FLAD1: variants seen among roughly 807,000 people sequenced by gnomAD.
The protein encoded by FLAD1 is flavin adenine dinucleotide synthetase 1, also known as bifunctional FAD diphosphatase/FAD synthase.
FLAD1 carries 35 observed loss-of-function variants against 55.0 expected under a neutral mutation model. The ratio of observed to expected loss-of-function variants is 0.64; its 90% CI spans 0.49 to 0.84. The LOEUF is 0.84. Among genes scored for constraint, FLAD1 ranks in the 40% least tolerant of loss-of-function variants. FLAD1 has a pLI of 0.00. For missense variants in FLAD1, 665 were observed against 742.6 expected (o/e 0.90, Z 1.21); for synonymous variants, 267 against 303.0 (o/e 0.88, Z 1.23).
At chr1:154,985,887 G>A (rs1571480427) in intron 1 of FLAD1, among the ~76,000 whole-genome samples, 1 of 150,444 alleles carries the variant, frequency 6.6e-6, no homozygotes, top group African/African-American at 2.5e-5. Context: ...CACCACGCCC[G>A]GTTAATTTTT....
chr1:154,986,083 G>A (rs1340477267), intron 1 of FLAD1, among the ~76,000 whole-genome samples: 2 of 150,682 alleles, frequency 1.3e-5, no homozygotes, highest in African/African-American at 4.9e-5. Context: ...TGCTGCTCAC[G>A]CTGGAGCGCA....
chr1:154,990,253 A>C lies in FLAD1; in HGVS notation c.1360A>C (p.Lys454Gln). Residue 454 changes from lysine (K) to glutamine (Q), a missense_variant, in exon 4 of 7, where the codon AAG becomes CAG. Transcript: ENST00000292180. ...GGAACAGTTTCTACAGGACACTATC[A>C]AGAGGTACTAGGGGCCTGGAGGTTT... Reference protein sequence around the residue: ...ELEQFLQDTIKRYNLQMLEAE... With the variant: ...ELEQFLQDTIQRYNLQMLEAE... 1 of 1,614,014 alleles carries C rather than the reference A, an allele frequency of 6.2e-7. No individual in the cohort carries two copies. Among genetic ancestry groups the C allele is most frequent in the Non-Finnish European group, 8.5e-7 (1 of 1,179,872 alleles).
At chr1:154,989,478 T>A (rs1657768134) in intron 2 of FLAD1, 82 bp from the exon 3 acceptor site, 1 of 1,355,382 alleles carries the variant, frequency 7.4e-7, no homozygotes, top group African/African-American at 1.5e-5. Context: ...ATTGAAGGGT[T>A]TAAGCAAGGG....
At chr1:154,986,704 C>CCCTTT (rs1657626991) in intron 1 of FLAD1, among the ~76,000 whole-genome samples, 10 of 91,722 alleles carry the variant, frequency 1.1e-4, no homozygotes, top group African/African-American at 4.0e-4. Flanking sequence ...GCCCCCCACC[C>CCCTTT]TTTTTTTTTT....
At position 154,992,907 on chromosome 1, in the gene FLAD1, C is replaced by T. The variant is rs1266663947; in HGVS notation, c.1634C>T (p.Thr545Ile). ...PYCILYDRGYTSLGSRENTVR... is the reference protein window; with the variant it reads ...PYCILYDRGYISLGSRENTVR... Reference sequence around the variant, plus strand: ...CTCCACCCTCCCTGCTCCAGATACACATCACTGGGGAGTCGGGAGAATACC... The same window carrying T: ...CTCCACCCTCCCTGCTCCAGATACATATCACTGGGGAGTCGGGAGAATACC... Residue 545 changes from threonine to isoleucine, a missense_variant, in exon 7 of 7, where the codon ACA (threonine) becomes ATA (isoleucine). Physicochemically the swap from Thr to Ile is moderately conservative, Grantham distance 89. Transcript: ENST00000292180. 3 of 1,613,920 alleles carry T rather than the reference C, an allele frequency of 1.9e-6. No individual in the cohort carries two copies. Among genetic ancestry groups the T allele is most frequent in the South Asian group, 2.2e-5 (2 of 91,092 alleles).
rs1358268368 is a variant in FLAD1 at position 154,991,259 on chromosome 1, C to T, written c.1554+731C>T. ...ATATATATGTATATATATATATACA[C>T]ACACACATACACAGGCCGGGCGTAG... On this transcript the variant is annotated intron_variant, in intron 5 of 6. Coordinates refer to ENST00000292180, the MANE Select transcript of FLAD1 (RefSeq NM_025207.5). The T allele has an allele frequency of 5.1e-5, 7 of 137,878 alleles. 1 individual carries two copies. The East Asian group carries it at 1.1e-3, about 21-fold the overall frequency. 8.5% of individuals were successfully genotyped at this position (137,878 alleles called of 1,614,324 possible).
Position 154,993,082 on chromosome 1 carries a change from A to G in FLAD1, c.*45A>G. Reference sequence around the variant, plus strand: ...GGGAAGGACACCGTCCTAGGGTATAACCTGGCAATAAACCGTGCCTCTCAC... The same window carrying G: ...GGGAAGGACACCGTCCTAGGGTATAGCCTGGCAATAAACCGTGCCTCTCAC... On this transcript the variant is annotated 3_prime_UTR_variant, in exon 7 of 7. Transcript: ENST00000292180. 1 of 1,580,314 alleles carries G rather than the reference A, an allele frequency of 6.3e-7. No individual in the cohort carries two copies. Among genetic ancestry groups the G allele is most frequent in the Non-Finnish European group, 8.7e-7 (1 of 1,150,764 alleles).
chr1:154,988,458 A>G lies in FLAD1; in HGVS notation c.726A>G (p.Arg242=), dbSNP rs1258511217. The G allele has an allele frequency of 6.2e-7, 1 of 1,614,100 alleles. No individual in the cohort carries two copies. The highest frequency in any genetic ancestry group is 1.3e-5 in the African/African-American group (1 of 74,924). ...GTDPCTGQPF[R]FPLVSVRNVY... ...ATCCTTGCACTGGTCAACCTTTCAGATTCCCTCTGGTCTCCGTCCGAAACG... is the reference window on the plus strand; with the variant it reads ...ATCCTTGCACTGGTCAACCTTTCAGGTTCCCTCTGGTCTCCGTCCGAAACG... Residue 242 remains arginine (R), a synonymous_variant, in exon 2 of 7, where the codon AGA becomes AGG. Coordinates refer to ENST00000292180, the MANE Select transcript of FLAD1 (RefSeq NM_025207.5).
rs1657429558 is a variant in FLAD1 at position 154,983,715 on chromosome 1, A to T, written c.21A>T (p.Thr7=). ...AGGACATGGGTTGGGATTTGGGAACACGTTTATTCCAGAGGCAGGAACAAA... is the reference window on the plus strand; with the variant it reads ...AGGACATGGGTTGGGATTTGGGAACTCGTTTATTCCAGAGGCAGGAACAAA... MGWDLG[T]RLFQRQEQRS... Residue 7 remains threonine (T), a synonymous_variant, in exon 1 of 7, where the codon ACA becomes ACT. Coordinates refer to ENST00000292180, the MANE Select transcript of FLAD1 (RefSeq NM_025207.5). The T allele has an allele frequency of 6.2e-7, 1 of 1,611,360 alleles. No homozygotes were observed. Among genetic ancestry groups the T allele is most frequent in the Non-Finnish European group, 8.5e-7 (1 of 1,177,986 alleles).
rs772596666 is a variant in FLAD1, at chr1:154,988,222, A to T, written c.490A>T (p.Thr164Ser). 1 of 1,614,166 alleles carries T rather than the reference A, an allele frequency of 6.2e-7. No homozygotes were observed. The highest frequency in any genetic ancestry group is 1.7e-5 in the Admixed American group (1 of 60,026). The change falls in exon 2 of 7, where the codon ACT becomes TCT. Residue 164 changes from threonine to serine, a missense_variant. Physicochemically the swap from Thr to Ser is moderately conservative, Grantham distance 58. Transcript: ENST00000292180. Reference sequence around the variant, plus strand: ...GGTAGCCACCATTGCAGCTGAGGTCACTTCTTTCTCCAACCGCTTCACCCA... The same window carrying T: ...GGTAGCCACCATTGCAGCTGAGGTCTCTTCTTTCTCCAACCGCTTCACCCA... ...DEVATIAAEV[T>S]SFSNRFTHVL...
At chr1:154,987,996 C>T in intron 1 of FLAD1, 109 bp from the exon 2 acceptor site, 1 of 1,584,870 alleles carries the variant, frequency 6.3e-7, no homozygotes, top group Non-Finnish European at 8.6e-7. Flanking sequence ...GAGGTGGTGT[C>T]CTTCAAAGAG....
chr1:154,988,797 GC>G lies in FLAD1; in HGVS notation c.1068del (p.Asn357ThrfsTer111). On this transcript the variant is annotated frameshift_variant, in exon 2 of 7. Coordinates refer to ENST00000292180, the MANE Select transcript of FLAD1 (RefSeq NM_025207.5). LOFTEE classifies it high-confidence loss of function. ...CCCAGGGATCGCTGGTCCCCTACAT[GC>G]CCAACGCTGTGGAGCAGGCCAGTGA... ...LPQGSLVPYM[P>X]NAVEQASEAV... 6.2e-7 allele frequency: 1 copy of G among 1,614,182 alleles called. No individual in the cohort carries two copies. Among genetic ancestry groups the G allele is most frequent in the African/African-American group, 1.3e-5 (1 of 75,056 alleles).
At position 154,993,087 on chromosome 1, in the gene FLAD1, G is replaced by C; in HGVS notation, c.*50G>C. Reference sequence around the variant, plus strand: ...GGACACCGTCCTAGGGTATAACCTGGCAATAAACCGTGCCTCTCACTGTGC... The same window carrying C: ...GGACACCGTCCTAGGGTATAACCTGCCAATAAACCGTGCCTCTCACTGTGC... On this transcript the variant is annotated 3_prime_UTR_variant, in exon 7 of 7. Coordinates refer to ENST00000292180, the MANE Select transcript of FLAD1 (RefSeq NM_025207.5). The C allele has an allele frequency of 2.6e-6, 4 of 1,563,528 alleles. No individual in the cohort carries two copies. Among genetic ancestry groups the C allele is most frequent in the Non-Finnish European group, 3.5e-6 (4 of 1,136,420 alleles).
chr1:154,985,648 C>A (rs1164076250), intron 1 of FLAD1, among the ~76,000 whole-genome samples: 13 of 151,282 alleles, frequency 8.6e-5, no homozygotes, highest in Non-Finnish European at 8.8e-5. Context: ...CTCAAGTGAT[C>A]CACCCACCTC....
chr1:154,992,873 A>G (rs1298321562), intron 6 of FLAD1, 29 bp from the exon 7 acceptor site: 1 of 1,613,818 alleles, frequency 6.2e-7, no homozygotes, highest in Non-Finnish European at 8.5e-7. Context: ...ACCCTACCAC[A>G]TGCTTGCCCT....
At position 154,988,450 on chromosome 1, in the gene FLAD1, C is replaced by G. The variant is rs749521512; in HGVS notation, c.718C>G (p.Pro240Ala). The change falls in exon 2 of 7, where the codon CCT (proline) becomes GCT (alanine). Residue 240 changes from proline (P) to alanine (A), a missense_variant. Coordinates refer to ENST00000292180, the MANE Select transcript of FLAD1 (RefSeq NM_025207.5). ...HYGTDPCTGQ[P>A]FRFPLVSVRN... is the part of the protein sequence containing the mutation. ...TGGCACAGATCCTTGCACTGGTCAA[C>G]CTTTCAGATTCCCTCTGGTCTCCGT... The G allele has an allele frequency of 2.5e-5, 40 of 1,614,156 alleles. No homozygotes were observed. Among genetic ancestry groups the G allele is most frequent in the Admixed American group, 3.3e-5 (2 of 60,014 alleles).
intron 5 of FLAD1, 56 bp from the exon 6 acceptor site, chr1:154,992,657 G>A: frequency 1.2e-6 from 2 of 1,614,168 alleles, no homozygotes; most frequent in South Asian, 2.2e-5. Context: ...AGGACAGCAG[G>A]GGTAGAAGTG....
At chr1:154,990,119 G>A (rs1657797743) in intron 3 of FLAD1, 40 bp from the exon 4 acceptor site, 3 of 1,521,816 alleles carry the variant, frequency 2.0e-6, no homozygotes, top group African/African-American at 2.7e-5. Flanking sequence ...CCATTTCCTT[G>A]TCCATGCTCA....
intron 1 of FLAD1, chr1:154,987,825 C>A: frequency 2.5e-6 from 2 of 784,714 alleles, no homozygotes; most frequent in Non-Finnish European, 3.8e-6. Flanking sequence ...GTAGTCCCAG[C>A]TACTCGGAAG....
Sources: allele counts gnomAD v4.1 joint callset (sites outside exome capture counted in the v4.1 genomes callset), GRCh38; gene constraint gnomAD v4.1.1; transcripts MANE v1.5; gene names NCBI Gene and HGNC (gene_info 2026-07-23, HGNC 2026-07-21).